Variants in ST8SIA1 observed in about 807,000 individuals in gnomAD.
ST8SIA1 encodes alpha-N-acetylneuraminide alpha-2,8-sialyltransferase.
Under a neutral mutation model 35.9 loss-of-function variants are expected in ST8SIA1, and 16 were observed. The ratio of observed to expected loss-of-function variants is 0.45; its 90% CI spans 0.30 to 0.68. ST8SIA1 has a LOEUF of 0.68. ST8SIA1 is among the 30% of genes least tolerant of loss of function. ST8SIA1 has a pLI of 0.09. For synonymous variants in ST8SIA1, 170 were observed against 169.6 expected, an observed-to-expected ratio of 1.00 and a Z score of -0.02; for missense variants, 383 against 453.6, an observed-to-expected ratio of 0.84 and a Z score of 1.41.
At chr12:22,272,346 A>G (rs1385621969) in intron 2 of ST8SIA1, among the ~76,000 whole-genome samples, 1 of 152,210 alleles carries the variant, frequency 6.6e-6, no homozygotes, top group Non-Finnish European at 1.5e-5. Context: ...AAGGACAGTC[A>G]AAAAGTTTTC....
intron 1 of ST8SIA1, among the ~76,000 whole-genome samples, chr12:22,311,351 T>G (rs1031542639): frequency 2.0e-5 from 3 of 151,480 alleles, no homozygotes; most frequent in South Asian, 2.1e-4. Context: ...AGACAGCAGG[T>G]AGAGGGGGAT....
rs564376778 is a variant in ST8SIA1 at position 22,225,403 on chromosome 12, A to G, written c.585-23365T>C. On this transcript the variant is annotated intron_variant, in intron 4 of 4. Transcript: ENST00000396037. ...GATCCTAGTAGGCATGTGAGGACCA[A>G]TTGCTCACATTTCTCCTATTAAAGT... Among the ~76,000 whole-genome samples the G allele has an allele frequency of 7.2e-5, 11 of 152,168 alleles. No individual in the cohort carries two copies. The East Asian group carries it at 2.1e-3, about 29-fold the overall frequency.
At chr12:22,295,649 T>C (rs1482542915) in intron 1 of ST8SIA1, among the ~76,000 whole-genome samples, 1 of 152,096 alleles carries the variant, frequency 6.6e-6, no homozygotes, top group Non-Finnish European at 1.5e-5. Flanking sequence ...GGAGGATTGC[T>C]TGAGCCCAGG....
chr12:22,285,871 C>CA (rs1264234503), intron 2 of ST8SIA1, among the ~76,000 whole-genome samples: 25,142 of 94,130 alleles, frequency 0.27, 3,276 homozygotes, highest in African/African-American at 0.29. Flanking sequence ...AAGACTCTGT[C>CA]AAAAACAAAA....
chr12:22,301,204 C>T (rs542371892), intron 1 of ST8SIA1, among the ~76,000 whole-genome samples: 8 of 152,062 alleles, frequency 5.3e-5, no homozygotes, highest in African/African-American at 1.9e-4. Context: ...AGCTGTAAAA[C>T]TCTAACAAGT....
At chr12:22,330,505 A>G (rs1178375110) in intron 1 of ST8SIA1, among the ~76,000 whole-genome samples, 2 of 152,152 alleles carry the variant, frequency 1.3e-5, no homozygotes, top group Non-Finnish European at 2.9e-5. Context: ...ACAGCTCCCA[A>G]ATCCATAAGG....
intron 2 of ST8SIA1, among the ~76,000 whole-genome samples, chr12:22,275,292 G>A (rs1323071511): frequency 1.3e-5 from 2 of 152,182 alleles, no homozygotes; most frequent in Non-Finnish European, 1.5e-5. Context: ...GGTGGCTCAC[G>A]CCTGTAATCC....
At position 22,195,794 on chromosome 12, in the gene ST8SIA1, T is replaced by C. The variant is rs1864980467; in HGVS notation, c.*5758A>G. 1 of 152,232 alleles carries C rather than the reference T, an allele frequency of 6.6e-6. No homozygotes were observed. The highest frequency in any genetic ancestry group is 1.5e-5 in the Non-Finnish European group (1 of 68,046). 9.4% of individuals were successfully genotyped at this position (152,232 alleles called of 1,614,324 possible). A position where few individuals can be genotyped will look rare whatever the true frequency, so the allele number is the denominator to read the frequency against. On this transcript the variant is annotated 3_prime_UTR_variant, in exon 5 of 5. Coordinates refer to ENST00000396037, the MANE Select transcript of ST8SIA1 (RefSeq NM_003034.4). ...CTTTTTTTCAGTTTGGTTAAACCTT[T>C]TTTTATTACAATTTTCTGTTCGTAA...
At chr12:22,286,880 T>A (rs1223163814) in intron 2 of ST8SIA1, among the ~76,000 whole-genome samples, 2 of 152,186 alleles carry the variant, frequency 1.3e-5, no homozygotes, top group Non-Finnish European at 2.9e-5. Context: ...AAGTCCCTGA[T>A]CATTCATTTC....
chr12:22,266,200 T>G (rs1257527079), intron 2 of ST8SIA1, among the ~76,000 whole-genome samples: 1 of 151,874 alleles, frequency 6.6e-6, no homozygotes, highest in Non-Finnish European at 1.5e-5. Flanking sequence ...TTAAGATCTA[T>G]GAAGGGTCTG....
At chr12:22,239,331 CCTT>C (rs1392543528) in intron 4 of ST8SIA1, among the ~76,000 whole-genome samples, 1 of 152,170 alleles carries the variant, frequency 6.6e-6, no homozygotes, top group Non-Finnish European at 1.5e-5. Flanking sequence ...TTAACATACT[CCTT>C]CTCATTCTAT....
At chr12:22,323,727 C>T (rs959847772) in intron 1 of ST8SIA1, among the ~76,000 whole-genome samples, 9 of 152,084 alleles carry the variant, frequency 5.9e-5, no homozygotes, top group Admixed American at 5.9e-4. Flanking sequence ...GAGTCGGAAA[C>T]CATTATTCTC....
At chr12:22,332,923 C>T (rs1363087126) in intron 1 of ST8SIA1, among the ~76,000 whole-genome samples, 1 of 152,104 alleles carries the variant, frequency 6.6e-6, no homozygotes, top group Non-Finnish European at 1.5e-5. Context: ...CAGACCACTA[C>T]AATCACAGGA....
chr12:22,225,418 C>T (rs1865345624), intron 4 of ST8SIA1, among the ~76,000 whole-genome samples: 1 of 151,976 alleles, frequency 6.6e-6, no homozygotes, highest in African/African-American at 2.4e-5. Flanking sequence ...TCACATTTCT[C>T]CTATTAAAGT....
At chr12:22,269,228 A>G (rs563671123) in intron 2 of ST8SIA1, among the ~76,000 whole-genome samples, 4 of 152,322 alleles carry the variant, frequency 2.6e-5, no homozygotes, top group African/African-American at 9.6e-5. Flanking sequence ...TCTGTGCCAG[A>G]TTTAAATGAA....
At chr12:22,307,118 T>A (rs1408666851) in intron 1 of ST8SIA1, among the ~76,000 whole-genome samples, 1 of 152,146 alleles carries the variant, frequency 6.6e-6, no homozygotes, top group Non-Finnish European at 1.5e-5. Flanking sequence ...GTTTGGTCTC[T>A]GTTTTTTTAT....
In ST8SIA1 at chr12:22,198,105, A is replaced by G. The variant is rs545790327; in HGVS notation, c.*3447T>C. 1 of 152,194 alleles carries G rather than the reference A, an allele frequency of 6.6e-6. No homozygotes were observed. Among genetic ancestry groups the G allele is most frequent in the African/African-American group, 2.4e-5 (1 of 41,520 alleles). The allele number at this position is 152,194 out of a possible 1,614,324, so 9.4% of individuals were successfully genotyped here. On this transcript the variant is annotated 3_prime_UTR_variant, in exon 5 of 5. Transcript: ENST00000396037. ...TGCAGTTCTCAAATCGAGGCTAATA[A>G]AAACTAAAATTCTATCAGGGTACTA...
intron 1 of ST8SIA1, among the ~76,000 whole-genome samples, chr12:22,320,987 GAA>G (rs748896720): frequency 0.023 from 2,776 of 118,750 alleles, 50 homozygotes; most frequent in Middle Eastern, 0.053. Flanking sequence ...AAGAAAGAAA[GAA>G]AGAAAGAAAG....
intron 4 of ST8SIA1, among the ~76,000 whole-genome samples, chr12:22,247,092 C>T (rs955518781): frequency 1.4e-5 from 2 of 145,566 alleles, no homozygotes; most frequent in African/African-American, 5.1e-5. Context: ...CCCTCATCTC[C>T]TTCCCTCCCT....
Sources: allele counts gnomAD v4.1 joint callset (sites outside exome capture counted in the v4.1 genomes callset), GRCh38; gene constraint gnomAD v4.1.1; transcripts MANE v1.5; gene names NCBI Gene and HGNC (gene_info 2026-07-23, HGNC 2026-07-21).